The following GOLPH3L variants were observed in gnomAD, a reference collection of about 807,000 sequenced individuals.
The protein encoded by GOLPH3L is Golgi phosphoprotein 3-like.
A neutral mutation model predicts 30.3 loss-of-function variants in GOLPH3L; 22 were observed. The ratio of observed to expected loss-of-function variants is 0.73; its 90% CI spans 0.52 to 1.04. GOLPH3L has a LOEUF of 1.04. Among genes scored for constraint, GOLPH3L ranks in the 50% least tolerant of loss-of-function variants. The pLI is 0.00. For synonymous variants in GOLPH3L, 120 were observed against 128.2 expected (o/e 0.94, Z 0.43); for missense variants, 303 against 345.8 (o/e 0.88, Z 0.98).
chr1:150,650,135 C>T (rs1650072329), intron 4 of GOLPH3L, among the ~76,000 whole-genome samples: 1 of 152,080 alleles, frequency 6.6e-6, no homozygotes, highest in Non-Finnish European at 1.5e-5. Flanking sequence ...AAAATGTAAA[C>T]TCCCTGATTT....
chr1:150,683,336 A>G (rs1024495130), intron 2 of GOLPH3L, among the ~76,000 whole-genome samples: 2 of 152,066 alleles, frequency 1.3e-5, no homozygotes, highest in Admixed American at 6.6e-5. Context: ...GGAGATCGAG[A>G]CCATCCTGGC....
At chr1:150,654,636 C>T (rs1246850729) in intron 4 of GOLPH3L, among the ~76,000 whole-genome samples, 2 of 152,216 alleles carry the variant, frequency 1.3e-5, no homozygotes, top group African/African-American at 4.8e-5. Context: ...TACATTTGAG[C>T]CTTTTCCTTT....
intron 4 of GOLPH3L, among the ~76,000 whole-genome samples, chr1:150,650,659 TG>T (rs926927598): frequency 6.6e-6 from 1 of 152,126 alleles, no homozygotes; most frequent in African/African-American, 2.4e-5. Flanking sequence ...CTCTAATAAA[TG>T]CAATGCACTT....
chr1:150,652,677 C>CCG (rs1379938265), intron 4 of GOLPH3L, among the ~76,000 whole-genome samples: 1 of 151,852 alleles, frequency 6.6e-6, no homozygotes, highest in Non-Finnish European at 1.5e-5. Flanking sequence ...ATTTATAAAG[C>CCG]AATTGCACAA....
intron 2 of GOLPH3L, among the ~76,000 whole-genome samples, chr1:150,690,761 T>C (rs1651190585): frequency 6.6e-6 from 1 of 152,220 alleles, no homozygotes; most frequent in Non-Finnish European, 1.5e-5. Context: ...CTTTTCTCCA[T>C]TCATGTTAAT....
chr1:150,678,766 C>T (rs1350219845), intron 2 of GOLPH3L, among the ~76,000 whole-genome samples: 1 of 152,094 alleles, frequency 6.6e-6, no homozygotes, highest in Non-Finnish European at 1.5e-5. Flanking sequence ...ACCATCCTGG[C>T]CAACATGGTG....
intron 4 of GOLPH3L, among the ~76,000 whole-genome samples, chr1:150,657,639 A>G (rs1650270395): frequency 6.6e-6 from 1 of 152,220 alleles, no homozygotes; most frequent in Non-Finnish European, 1.5e-5. Flanking sequence ...GGTGATGAGC[A>G]TTCCAGCTTC....
At chr1:150,694,290 C>A (rs1651293398) in intron 2 of GOLPH3L, 1 of 282,216 alleles carries the variant, frequency 3.5e-6, no homozygotes, top group Non-Finnish European at 7.1e-6. Flanking sequence ...ATGTAAAAGA[C>A]TATTTCTCCT....
chr1:150,668,803 C>T (rs1198531798), intron 2 of GOLPH3L, among the ~76,000 whole-genome samples: 4 of 151,994 alleles, frequency 2.6e-5, no homozygotes, highest in Non-Finnish European at 5.9e-5. Flanking sequence ...CTTCAGAACA[C>T]GTAATTATGT....
intron 2 of GOLPH3L, among the ~76,000 whole-genome samples, chr1:150,684,856 T>C (rs1651046779): frequency 6.6e-6 from 1 of 152,036 alleles, no homozygotes; most frequent in South Asian, 2.1e-4. Context: ...TTAGTAGAGA[T>C]GGGGTTTCAC....
In GOLPH3L at chr1:150,666,912, T is replaced by C. The variant is rs587705165; in HGVS notation, c.184-3149A>G. The stretch of plus-strand genomic sequence containing the variant: ...ATTTGTCACTTCTTCCTTGTTTGTA[T>C]GTTTGATGATCTTTGATTAAGAGGT... On this transcript the variant is annotated intron_variant, in intron 2 of 4. Coordinates refer to ENST00000271732, the MANE Select transcript of GOLPH3L (RefSeq NM_018178.6). 1.3e-4 allele frequency among the ~76,000 whole-genome samples: 20 copies of C among 152,290 alleles called. No individual in the cohort carries two copies. In the East Asian group the frequency reaches 3.3e-3, roughly 25 times the overall value.
At chr1:150,694,009 G>A (rs939308141) in intron 2 of GOLPH3L, 10 of 263,344 alleles carry the variant, frequency 3.8e-5, no homozygotes, top group African/African-American at 7.1e-5. Context: ...ACAGGCACCC[G>A]CCGCCACACA....
rs71086590 is a variant in GOLPH3L, at chr1:150,673,926, C to CAA, written c.184-10165_184-10164dup. On this transcript the variant is annotated intron_variant, in intron 2 of 4. Coordinates refer to ENST00000271732, the MANE Select transcript of GOLPH3L (RefSeq NM_018178.6). ...GGTGACAAAGTGAGACTCCCATCTC[C>CAA]AAAAAAAAAAAAAAAAGAAAAAAAA... 1.4e-3 allele frequency among the ~76,000 whole-genome samples: 142 copies of CAA among 98,488 alleles called. 3 individuals are homozygous for CAA. Among genetic ancestry groups the CAA allele is most frequent in the East Asian group, 5.0e-3 (18 of 3,632 alleles). 64.6% of individuals were successfully genotyped at this position (98,488 alleles called of 152,430 possible). A position where few individuals can be genotyped will look rare whatever the true frequency, so the allele number is the denominator to read the frequency against.
intron 2 of GOLPH3L, among the ~76,000 whole-genome samples, chr1:150,669,507 C>T (rs1234225828): frequency 6.6e-6 from 1 of 152,186 alleles, no homozygotes; most frequent in Non-Finnish European, 1.5e-5. Flanking sequence ...CTAGCACGTA[C>T]ATACTAAAGT....
Position 150,694,753 on chromosome 1 carries a change from CA to C in GOLPH3L, c.85del (p.Trp29GlyfsTer29), listed in dbSNP as rs759939226. 1.9e-6 allele frequency: 3 copies of C among 1,610,426 alleles called. No individual in the cohort carries two copies. Among genetic ancestry groups the C allele is most frequent in the African/African-American group, 1.3e-5 (1 of 74,794 alleles). On this transcript the variant is annotated frameshift_variant, in exon 2 of 5. Coordinates refer to ENST00000271732, the MANE Select transcript of GOLPH3L (RefSeq NM_018178.6). LOFTEE classifies it high-confidence loss of function. ...KKMESEEDSN[W>X]EKSPDNEDSG... ...ATCTTCATTGTCTGGACTTTTCTCC[CA>C]ATTACTGTCTTCCTCACTTTCCATC...
At chr1:150,666,123 C>G (rs1040598713) in intron 2 of GOLPH3L, among the ~76,000 whole-genome samples, 6 of 152,064 alleles carry the variant, frequency 3.9e-5, no homozygotes, top group Admixed American at 3.9e-4. Flanking sequence ...CATGACTGTG[C>G]ATGAATTTAT....
At chr1:150,675,491 T>A (rs1650752517) in intron 2 of GOLPH3L, among the ~76,000 whole-genome samples, 1 of 151,968 alleles carries the variant, frequency 6.6e-6, no homozygotes, top group African/African-American at 2.4e-5. Context: ...CAACCCCAAT[T>A]CTGGGGCGTC....
chr1:150,674,679 T>C (rs1241576), intron 2 of GOLPH3L, among the ~76,000 whole-genome samples: 148,348 of 152,106 alleles, frequency 0.98, 72,429 homozygotes, highest in East Asian at 1. Context: ...ACCACTTAAG[T>C]CCAAAGTTCG....
chr1:150,676,583 T>A (rs1650783421), intron 2 of GOLPH3L, among the ~76,000 whole-genome samples: 2 of 152,106 alleles, frequency 1.3e-5, no homozygotes, highest in South Asian at 4.1e-4. Flanking sequence ...GTTGCTTTGT[T>A]TGAATCTGGA....
Sources: allele counts gnomAD v4.1 joint callset (sites outside exome capture counted in the v4.1 genomes callset), GRCh38; gene constraint gnomAD v4.1.1; transcripts MANE v1.5; gene names NCBI Gene and HGNC (gene_info 2026-07-23, HGNC 2026-07-21).